NBEAL1: variants seen among roughly 807,000 people sequenced by gnomAD.
The protein encoded by NBEAL1 is neurobeachin-like protein 1.
In NBEAL1, 273 loss-of-function variants were observed where a neutral mutation model predicts 351.3. The observed-to-expected ratio is 0.78, with a 90% CI of 0.70 to 0.86. NBEAL1 has a LOEUF of 0.86. NBEAL1 is among the 40% of genes least tolerant of loss of function. The pLI is 0.00. For missense variants in NBEAL1, 2,961 were observed against 3,201.3 expected (o/e 0.92, Z 1.81); for synonymous variants, 1,050 against 1,086.4 (o/e 0.97, Z 0.66).
chr2:203,204,712 A>T (rs1275426597), intron 51 of NBEAL1, among the ~76,000 whole-genome samples: 1 of 151,978 alleles, frequency 6.6e-6, no homozygotes, highest in Non-Finnish European at 1.5e-5. Flanking sequence ...TTTCATTTAG[A>T]TCTGATACCT....
intron 14 of NBEAL1, among the ~76,000 whole-genome samples, 189 bp downstream of exon 14, chr2:203,108,377 C>G (rs1340420349): frequency 7.0e-6 from 1 of 143,352 alleles, no homozygotes; most frequent in Non-Finnish European, 1.5e-5. Context: ...AGCTGTTTAT[C>G]TCAAATATTG....
chr2:203,211,179 A>G (rs1362614298), intron 54 of NBEAL1, 73 bp downstream of exon 54: 8 of 1,111,616 alleles, frequency 7.2e-6, no homozygotes, highest in Non-Finnish European at 9.7e-6. Context: ...GAAAATCAGG[A>G]ATCTAAGATT....
chr2:203,090,922 A>C (rs1252219830), intron 10 of NBEAL1, among the ~76,000 whole-genome samples: 2 of 151,952 alleles, frequency 1.3e-5, no homozygotes, highest in Non-Finnish European at 2.9e-5. Flanking sequence ...AAGGAAGGAA[A>C]GGGAAAAGGA....
At chr2:203,076,411 G>A (rs1032696363) in intron 7 of NBEAL1, among the ~76,000 whole-genome samples, 2 of 150,226 alleles carry the variant, frequency 1.3e-5, no homozygotes, top group African/African-American at 2.4e-5. Context: ...CGTGAGCCCA[G>A]GCAGCCAAGG....
At chr2:203,197,841 G>A (rs2065281410) in intron 48 of NBEAL1, among the ~76,000 whole-genome samples, 1 of 151,976 alleles carries the variant, frequency 6.6e-6, no homozygotes, top group African/African-American at 2.4e-5. Context: ...TCCAGGAGGT[G>A]GAGGTTGCAG....
chr2:203,070,462 C>G (rs2061663821), intron 7 of NBEAL1, among the ~76,000 whole-genome samples: 1 of 149,830 alleles, frequency 6.7e-6, no homozygotes, highest in Admixed American at 6.7e-5. Flanking sequence ...CTCCTGGGCT[C>G]AAGTGATTTT....
chr2:203,068,762 G>T (rs551817000), intron 7 of NBEAL1, among the ~76,000 whole-genome samples: 1 of 152,012 alleles, frequency 6.6e-6, no homozygotes, highest in Non-Finnish European at 1.5e-5. Context: ...GAAGTCACAC[G>T]CTTGTTGCCC....
rs2062916873 is a variant in NBEAL1 at position 203,125,435 on chromosome 2, T to G, written c.2766T>G (p.Pro922=). 1.3e-6 allele frequency: 2 copies of G among 1,547,608 alleles called. No homozygotes were observed. Among genetic ancestry groups the G allele is most frequent in the East Asian group, 2.4e-5 (1 of 41,048 alleles). Residue 922 remains proline (P), a synonymous_variant, in exon 20 of 56, where the codon CCT becomes CCG. Transcript: ENST00000683969. ...QISHFSEGQI[P]EEKNESTVPE... is the part of the protein sequence containing the mutation. ...GCCACTTTAGTGAAGGACAGATTCCTGAAGAAAAGAATGAAAGCACAGTTC... is the reference window on the plus strand; with the variant it reads ...GCCACTTTAGTGAAGGACAGATTCCGGAAGAAAAGAATGAAAGCACAGTTC...
chr2:203,051,653 T>A (rs1275461229), intron 4 of NBEAL1, among the ~76,000 whole-genome samples: 2 of 152,182 alleles, frequency 1.3e-5, no homozygotes, highest in African/African-American at 4.8e-5. Flanking sequence ...ACAATTTTGC[T>A]GAAATCAAAA....
intron 36 of NBEAL1, among the ~76,000 whole-genome samples, chr2:203,164,861 CT>C (rs36031308): frequency 1.2e-3 from 160 of 133,256 alleles, no homozygotes; most frequent in Middle Eastern, 3.8e-3. Context: ...TCCCATTTCT[CT>C]TTTTTTTTTT....
intron 40 of NBEAL1, 62 bp from the exon 41 acceptor site, chr2:203,172,667 G>T (rs1208724463): frequency 6.9e-7 from 1 of 1,456,596 alleles, no homozygotes; most frequent in South Asian, 1.4e-5. Context: ...TTTGATATTA[G>T]ATATGAGGAT....
intron 2 of NBEAL1, among the ~76,000 whole-genome samples, chr2:203,017,673 T>C (rs2060703268): frequency 6.6e-6 from 1 of 152,132 alleles, no homozygotes; most frequent in South Asian, 2.1e-4. Flanking sequence ...TAGGTTTTAC[T>C]GTTTTCAAAA....
intron 50 of NBEAL1, 79 bp downstream of exon 50, chr2:203,201,794 T>C: frequency 8.8e-7 from 1 of 1,138,470 alleles, no homozygotes; most frequent in Non-Finnish European, 1.2e-6. Context: ...GTGCTCTTTG[T>C]AAAGAGCATT....
chr2:203,187,729 C>T (rs994959604), intron 44 of NBEAL1, among the ~76,000 whole-genome samples: 2 of 146,882 alleles, frequency 1.4e-5, no homozygotes, highest in African/African-American at 2.5e-5. Context: ...AGCGACAGAG[C>T]GAGAGACTTC....
At chr2:203,213,851 CT>C (rs1227720480) in intron 55 of NBEAL1, 198 bp downstream of exon 55, 1 of 920,816 alleles carries the variant, frequency 1.1e-6, no homozygotes, top group Non-Finnish European at 1.3e-6. Flanking sequence ...GAAAGCCCAC[CT>C]TTGGCAATTC....
chr2:203,040,259 G>C (rs1021785950), intron 2 of NBEAL1: 4 of 861,554 alleles, frequency 4.6e-6, no homozygotes, highest in Non-Finnish European at 7.7e-6. Flanking sequence ...AGGTTTAAGC[G>C]ACTGGAATCA....
rs1240917163 is a variant in NBEAL1 at position 203,136,501 on chromosome 2, T to C, written c.4390-98T>C. On this transcript the variant is annotated intron_variant, in intron 28 of 55. Coordinates refer to ENST00000683969, the MANE Select transcript of NBEAL1 (RefSeq NM_001378026.1). ...AGGTTCATTAAGGACTTTAAAAATA[T>C]GTTAAATGATTACAATGAGTATATG... 6.5e-6 allele frequency: 6 copies of C among 920,686 alleles called. No individual in the cohort carries two copies. In the East Asian group the frequency reaches 1.6e-4, roughly 24 times the overall value. The allele number at this position is 920,686 out of a possible 1,614,324, so 57.0% of individuals were successfully genotyped here. A position where few individuals can be genotyped will look rare whatever the true frequency, so the allele number is the denominator to read the frequency against.
chr2:203,184,904 A>G (rs1559046752), intron 44 of NBEAL1, among the ~76,000 whole-genome samples: 1 of 152,044 alleles, frequency 6.6e-6, no homozygotes, highest in Admixed American at 6.6e-5. Context: ...TTTAAAAAAA[A>G]AAAAAAAAAG....
chr2:203,108,914 G>A (rs2062500532), intron 14 of NBEAL1, among the ~76,000 whole-genome samples: 1 of 152,156 alleles, frequency 6.6e-6, no homozygotes, highest in Non-Finnish European at 1.5e-5. Context: ...AGGTGTGGTG[G>A]CACATACCTG....
Sources: gnomAD v4.1 joint callset for allele counts (sites outside exome capture counted in the v4.1 genomes callset) on GRCh38, gnomAD v4.1.1 for gene constraint, MANE v1.5 for transcripts, NCBI Gene and HGNC (gene_info 2026-07-23, HGNC 2026-07-21) for gene names.